MPRIP: variants seen among roughly 807,000 people sequenced by gnomAD.
The protein encoded by MPRIP is myosin phosphatase Rho interacting protein.
MPRIP carries 59 observed loss-of-function variants against 234.9 expected under a neutral mutation model. The observed-to-expected ratio is 0.25, with a 90% CI of 0.20 to 0.31. MPRIP has a LOEUF of 0.31. MPRIP is among the 10% of genes least tolerant of loss of function. The pLI is 1.00. For synonymous variants in MPRIP, 1,144 were observed against 1,263.9 expected, an observed-to-expected ratio of 0.91 and a Z score of 2.01; for missense variants, 2,436 against 3,071.0, an observed-to-expected ratio of 0.79 and a Z score of 4.89.
At chr17:17,168,732 T>C (rs1490128172) in intron 16 of MPRIP, 12 of 402,580 alleles carry the variant, frequency 3.0e-5, no homozygotes, top group African/African-American at 2.1e-4. Flanking sequence ...TGTGCCCTTA[T>C]GTTCCTTCCA....
At position 17,165,369 on chromosome 17, in the gene MPRIP, C is replaced by T; in HGVS notation, c.3778C>T (p.His1260Tyr). The change falls in exon 16 of 24, where the codon CAC (histidine) becomes TAC (tyrosine). Residue 1260 changes from histidine (H) to tyrosine (Y), a missense_variant. Physicochemically the swap from His to Tyr is moderately conservative, Grantham distance 83. Transcript: ENST00000651222. The stretch of plus-strand genomic sequence containing the variant: ...CACTAGGGCACCTCTAGGCCTCCCA[C>T]ACACAAGGCTCGAGGATGAGGACGA... ...QATRAPLGLP[H>Y]TRLEDEDEDL... 3 of 1,304,190 alleles carry T rather than the reference C, an allele frequency of 2.3e-6. No homozygotes were observed. The highest frequency in any genetic ancestry group is 3.0e-6 in the Non-Finnish European group (3 of 988,968). The allele number at this position is 1,304,190 out of a possible 1,614,324, so 80.8% of individuals were successfully genotyped here. A position where few individuals can be genotyped will look rare whatever the true frequency, so the allele number is the denominator to read the frequency against.
In MPRIP at chr17:17,136,577, A is replaced by G. The variant is rs544132866; in HGVS notation, c.736+127A>G. On this transcript the variant is annotated intron_variant, in intron 6 of 23. Coordinates refer to ENST00000651222, the MANE Select transcript of MPRIP (RefSeq NM_001364716.4). ...GCCTGGACCTCGATTCCCTTTGTCC[A>G]TCAGCCCTGGGGGTAGCACCTGGCC... 14 of 918,912 alleles carry G rather than the reference A, an allele frequency of 1.5e-5. No individual in the cohort carries two copies. The African/African-American group carries it at 2.2e-4, about 14-fold the overall frequency. 56.9% of individuals were successfully genotyped at this position (918,912 alleles called of 1,614,324 possible).
At chr17:17,158,020 C>G (rs2045768649) in intron 13 of MPRIP, among the ~76,000 whole-genome samples, 1 of 152,130 alleles carries the variant, frequency 6.6e-6, no homozygotes, top group Non-Finnish European at 1.5e-5. Context: ...TGGCCCTGAG[C>G]AAGGCAGGGC....
In MPRIP at chr17:17,161,294, C is replaced by T; in HGVS notation, c.2455C>T (p.Gln819Ter). Reference protein sequence around the residue: ...SDLLEQNRLLQDQLRVALGRE... With the variant: ...SDLLEQNRLL ...CCTTCTGGAGCAGAACCGGCTCCTG[C>T]AGGACCAGCTGAGGGTGGCCCTGGG... The change falls in exon 15 of 24, where the codon CAG becomes TAG. Residue 819 changes from glutamine to a stop codon, truncating the protein, a stop_gained. Transcript: ENST00000651222. LOFTEE classifies it high-confidence loss of function. The T allele has an allele frequency of 6.3e-7, 1 of 1,599,234 alleles. No individual in the cohort carries two copies.
intron 12 of MPRIP, among the ~76,000 whole-genome samples, chr17:17,150,660 G>A (rs1382187732): frequency 6.9e-6 from 1 of 145,618 alleles, no homozygotes; most frequent in Non-Finnish European, 1.5e-5. Context: ...CCAAAATCTT[G>A]TGAGGTACTC....
intron 1 of MPRIP, among the ~76,000 whole-genome samples, chr17:17,062,911 C>G (rs768006552): frequency 6.6e-6 from 1 of 152,232 alleles, no homozygotes; most frequent in Non-Finnish European, 1.5e-5. Flanking sequence ...CCGTGTGCTG[C>G]TGTCTGAGTG....
At chr17:17,181,280 G>A (rs929601741) in intron 23 of MPRIP, among the ~76,000 whole-genome samples, 2 of 152,184 alleles carry the variant, frequency 1.3e-5, no homozygotes, top group Non-Finnish European at 2.9e-5. Context: ...GGCCCATGGT[G>A]GGAGACACCC....
At chr17:17,063,106 G>A (rs536189336) in intron 1 of MPRIP, among the ~76,000 whole-genome samples, 18 of 152,332 alleles carry the variant, frequency 1.2e-4, no homozygotes, top group African/African-American at 3.1e-4. Context: ...GCTGACCAGC[G>A]TTGTCCTAGT....
chr17:17,135,120 G>A (rs1465463796), intron 5 of MPRIP, among the ~76,000 whole-genome samples: 1 of 152,272 alleles, frequency 6.6e-6, no homozygotes, highest in African/African-American at 2.4e-5. Context: ...AGCCCTCTGG[G>A]CAGGGTTGTT....
At position 17,164,682 on chromosome 17, in the gene MPRIP, AAGG is replaced by A. The variant is rs1374975057; in HGVS notation, c.3094_3096del (p.Glu1032del). On this transcript the variant is annotated inframe_deletion, in exon 16 of 24. Coordinates refer to ENST00000651222, the MANE Select transcript of MPRIP (RefSeq NM_001364716.4). Reference sequence around the variant, plus strand: ...TGAGCTGCTGCTGGAGAGCTGTGAGAAGGAGAAGCAGGCATTGCTGCAGAACCT... The same window carrying A: ...TGAGCTGCTGCTGGAGAGCTGTGAGAAGAAGCAGGCATTGCTGCAGAACCT... 2.8e-5 allele frequency: 36 copies of A among 1,263,974 alleles called. No individual in the cohort carries two copies. The highest frequency in any genetic ancestry group is 3.5e-5 in the Non-Finnish European group (34 of 972,198). 78.3% of individuals were successfully genotyped at this position (1,263,974 alleles called of 1,614,324 possible). A position where few individuals can be genotyped will look rare whatever the true frequency, so the allele number is the denominator to read the frequency against.
intron 1 of MPRIP, among the ~76,000 whole-genome samples, chr17:17,068,866 CT>C (rs1567693979): frequency 1.3e-5 from 2 of 152,200 alleles, no homozygotes; most frequent in South Asian, 2.1e-4. Context: ...TTATTTCCTT[CT>C]TTTTCTTGCT....
chr17:17,153,601 A>G (rs1254892298), intron 12 of MPRIP, among the ~76,000 whole-genome samples: 1 of 149,842 alleles, frequency 6.7e-6, no homozygotes, highest in Non-Finnish European at 1.5e-5. Context: ...CACCGAGGAC[A>G]AGCCCTAGAC....
chr17:17,084,049 G>T (rs1416105242), intron 3 of MPRIP, among the ~76,000 whole-genome samples: 1 of 152,224 alleles, frequency 6.6e-6, no homozygotes, highest in Non-Finnish European at 1.5e-5. Context: ...GCTGCTTCAA[G>T]CTCTGACTTT....
intron 13 of MPRIP, 132 bp downstream of exon 13, chr17:17,154,547 C>T (rs2045685765): frequency 4.4e-6 from 3 of 680,832 alleles, no homozygotes; most frequent in Admixed American, 2.5e-5. Context: ...TCCTTCCTTC[C>T]TGTGTCCTTC....
At chr17:17,171,955 T>C in intron 17 of MPRIP, 90 bp downstream of exon 17, 4 of 1,409,800 alleles carry the variant, frequency 2.8e-6, no homozygotes, top group East Asian at 2.3e-5. Flanking sequence ...AGCCTTTAAA[T>C]TGCCTTTTGG....
rs2144060368 is a variant in MPRIP at position 17,078,727 on chromosome 17, CT to C, written c.267+655del. 6.6e-6 allele frequency among the ~76,000 whole-genome samples: 1 copy of C among 152,300 alleles called. No homozygotes were observed. The highest frequency in any genetic ancestry group is 6.5e-5 in the Admixed American group (1 of 15,300). On this transcript the variant is annotated intron_variant, in intron 3 of 23. Transcript: ENST00000651222. The surrounding 1 kb of genome is among the most constrained non-coding windows in gnomAD (Gnocchi z 4.3). ...AAAATCAACTAGGTGGAATTTCTGG[CT>C]TTTCTTTTTCCACCCATTTTATCTC...
At chr17:17,173,846 G>A in intron 18 of MPRIP, 70 bp from the exon 19 acceptor site, 3 of 1,571,686 alleles carry the variant, frequency 1.9e-6, no homozygotes, top group East Asian at 2.2e-5. Context: ...CTGGTGTCAA[G>A]GAGGGACACC....
intron 16 of MPRIP, among the ~76,000 whole-genome samples, chr17:17,169,851 G>A (rs946926223): frequency 5.3e-5 from 8 of 152,246 alleles, no homozygotes; most frequent in Non-Finnish European, 1.0e-4. Context: ...TTCTTTTGGT[G>A]TCAGGAATGA....
rs371901386 is a variant in MPRIP, at chr17:17,098,203, C to T, written c.267+20127C>T. ...GGCAGCAGGAAGAAAGGTAAAGCAG[C>T]TCCAGGGAGCTCAGCGCTCAGCCTC... is the stretch of plus-strand genomic sequence containing the variant. On this transcript the variant is annotated intron_variant, in intron 3 of 23. Coordinates refer to ENST00000651222, the MANE Select transcript of MPRIP (RefSeq NM_001364716.4). Among the ~76,000 whole-genome samples the T allele has an allele frequency of 4.6e-5, 7 of 152,204 alleles. No individual in the cohort carries two copies. The East Asian group carries it at 1.2e-3, about 25-fold the overall frequency.
Sources: gnomAD v4.1 joint callset for allele counts (sites outside exome capture counted in the v4.1 genomes callset) on GRCh38, gnomAD v4.1.1 for gene constraint, Gnocchi (gnomAD v3.1) non-coding constraint, MANE v1.5 for transcripts, NCBI Gene and HGNC (gene_info 2026-07-23, HGNC 2026-07-21) for gene names.